The following ACO1 variants were observed in gnomAD, a reference collection of about 807,000 sequenced individuals.
ACO1 encodes the protein aconitase 1.
ACO1 carries 78 observed loss-of-function variants against 105.1 expected under a neutral mutation model. The observed-to-expected ratio is 0.74, with a 90% CI of 0.62 to 0.90. The LOEUF (loss-of-function observed/expected upper bound fraction) is 0.90. ACO1 is among the 40% of genes least tolerant of loss of function. The probability of loss-of-function intolerance (pLI) is 0.00; values close to 1 mark genes in which losing one functional copy is unlikely to be tolerated. For missense variants in ACO1, 965 were observed against 1,111.1 expected, an observed-to-expected ratio of 0.87 and a Z score of 1.87; for synonymous variants, 364 against 397.4, an observed-to-expected ratio of 0.92 and a Z score of 1.00.
At chr9:32,424,488 T>TG in intron 9 of ACO1, 61 bp from the exon 10 acceptor site, 1 of 1,103,528 alleles carries the variant, frequency 9.1e-7, no homozygotes, top group Non-Finnish European at 1.3e-6. Flanking sequence ...TGACATGCTT[T>TG]GGGTTTCCTC....
At position 32,431,716 on chromosome 9, in the gene ACO1, C is replaced by T. The variant is rs370328815; in HGVS notation, c.1727-3C>T. On this transcript the variant is annotated splice_polypyrimidine_tract_variant and splice_region_variant and intron_variant, in intron 14 of 20. Transcript: ENST00000309951. ...TTCTCATTAATAAACATTTTTTCCC[C>T]AGGAGTAAATGCAAAGGGACAGCAG... is the stretch of plus-strand genomic sequence containing the variant. The T allele has an allele frequency of 4.3e-6, 7 of 1,612,944 alleles. No individual in the cohort carries two copies. Among genetic ancestry groups the T allele is most frequent in the Admixed American group, 1.7e-5 (1 of 59,772 alleles).
intron 18 of ACO1, 111 bp from the exon 19 acceptor site, chr9:32,440,353 CG>C (rs1343933649): frequency 2.7e-6 from 3 of 1,091,412 alleles, no homozygotes; most frequent in Non-Finnish European, 4.0e-6. Flanking sequence ...GATGATTGGA[CG>C]GATTTGGCCA....
At chr9:32,390,504 T>C (rs1381909937) in intron 1 of ACO1, among the ~76,000 whole-genome samples, 3 of 152,248 alleles carry the variant, frequency 2.0e-5, no homozygotes, top group Admixed American at 6.5e-5. Flanking sequence ...AGTCTTCAAA[T>C]AAGAGAAGGA....
intron 1 of ACO1, among the ~76,000 whole-genome samples, chr9:32,394,971 A>C (rs928590638): frequency 6.6e-6 from 1 of 152,074 alleles, no homozygotes; most frequent in Non-Finnish European, 1.5e-5. Flanking sequence ...ACAGCCAGAC[A>C]CCCAATCTCT....
At position 32,418,391 on chromosome 9, in the gene ACO1, G is replaced by C. The variant is rs759044295; in HGVS notation, c.538G>C (p.Val180Leu). 5 of 1,614,190 alleles carry C rather than the reference G, an allele frequency of 3.1e-6. No individual in the cohort carries two copies. Among genetic ancestry groups the C allele is most frequent in the Non-Finnish European group, 4.2e-6 (5 of 1,180,028 alleles). ...CCCTGGCTCAGGAATCATCCACCAGGTGAATTTGGAATATTTGGCAAGAGT... is the reference window on the plus strand; with the variant it reads ...CCCTGGCTCAGGAATCATCCACCAGCTGAATTTGGAATATTTGGCAAGAGT... ...IPPGSGIIHQ[V>L]NLEYLARVVF... Residue 180 changes from valine (V) to leucine (L), a missense_variant, in exon 6 of 21, where the codon GTG (valine) becomes CTG (leucine). By Grantham distance (32) the Val-to-Leu change is conservative. Transcript: ENST00000309951.
At chr9:32,385,213 C>G (rs1311670939) in intron 1 of ACO1, among the ~76,000 whole-genome samples, 1 of 152,202 alleles carries the variant, frequency 6.6e-6, no homozygotes, top group Non-Finnish European at 1.5e-5. Flanking sequence ...TCGTGGGAGG[C>G]TTGAACACAG....
chr9:32,436,080 T>C (rs1464192554), intron 17 of ACO1, 170 bp from the exon 18 acceptor site: 2 of 850,276 alleles, frequency 2.4e-6, no homozygotes, highest in Non-Finnish European at 3.9e-6. Context: ...CTCTTCTCCG[T>C]TGAAGCTTTG....
At chr9:32,417,946 ACT>A (rs1392181853) in intron 4 of ACO1, among the ~76,000 whole-genome samples, 180 bp from the exon 5 acceptor site, 2 of 152,124 alleles carry the variant, frequency 1.3e-5, no homozygotes, top group African/African-American at 4.8e-5. Context: ...AACAATAATT[ACT>A]CTCTTTACTT....
rs187892977 is a variant in ACO1, at chr9:32,410,167, G to A, written c.404+1516G>A. ...AAATGGCATCAGGATATTAAACATT[G>A]TTATAAAGCCCCAGTCTTTTGTAAG... On this transcript the variant is annotated intron_variant, in intron 4 of 20. Coordinates refer to ENST00000309951, the MANE Select transcript of ACO1 (RefSeq NM_002197.3). Among the ~76,000 whole-genome samples the A allele has an allele frequency of 5.0e-4, 76 of 152,254 alleles. 1 individual carries two copies. The East Asian group carries it at 0.014, about 27-fold the overall frequency.
At chr9:32,441,781 C>T (rs1490282094) in intron 19 of ACO1, among the ~76,000 whole-genome samples, 3 of 152,172 alleles carry the variant, frequency 2.0e-5, no homozygotes, top group Admixed American at 6.5e-5. Context: ...TCTATAGAAC[C>T]GCTTGAGTTC....
At chr9:32,446,452 C>T (rs563032616) in intron 19 of ACO1, among the ~76,000 whole-genome samples, 1 of 152,226 alleles carries the variant, frequency 6.6e-6, no homozygotes, top group South Asian at 2.1e-4. Flanking sequence ...AAATCTTCCT[C>T]CATCCCTTTA....
intron 9 of ACO1, 64 bp downstream of exon 9, chr9:32,423,483 GT>G: frequency 8.9e-7 from 1 of 1,122,182 alleles, no homozygotes; most frequent in Non-Finnish European, 1.3e-6. Context: ...TTTAGTGGTG[GT>G]TTTTCTTGGG....
chr9:32,405,633 A>T, intron 2 of ACO1, 30 bp downstream of exon 2: 2 of 1,485,680 alleles, frequency 1.3e-6, no homozygotes, highest in Non-Finnish European at 1.9e-6. Flanking sequence ...AGCAATTGGA[A>T]TCTCATTTGC....
At chr9:32,438,391 G>T (rs945707592) in intron 18 of ACO1, among the ~76,000 whole-genome samples, 2 of 152,108 alleles carry the variant, frequency 1.3e-5, no homozygotes, top group African/African-American at 4.8e-5. Context: ...CAGATGAAGG[G>T]AATCCCCAGG....
chr9:32,400,947 G>GT (rs10713644), intron 1 of ACO1, among the ~76,000 whole-genome samples: 32 of 143,616 alleles, frequency 2.2e-4, no homozygotes, highest in African/African-American at 2.8e-4. Context: ...TGGTCTTGAA[G>GT]TTTTTTTTTT....
chr9:32,408,198 T>A (rs1051405809), intron 3 of ACO1, among the ~76,000 whole-genome samples: 3 of 152,218 alleles, frequency 2.0e-5, no homozygotes, highest in African/African-American at 7.2e-5. Context: ...TGGGAAGCAC[T>A]CACAGCAGTA....
intron 16 of ACO1, 61 bp from the exon 17 acceptor site, chr9:32,434,498 T>G: frequency 1.9e-6 from 3 of 1,603,190 alleles, no homozygotes; most frequent in Non-Finnish European, 2.6e-6. Flanking sequence ...TCGTAGAGAC[T>G]GATCTGGTAA....
In ACO1 at chr9:32,448,816, C is replaced by CTCTCACAAAGTCT. The variant is rs1383475716; in HGVS notation, c.2371-78_2371-66dup. On this transcript the variant is annotated intron_variant, in intron 19 of 20. Transcript: ENST00000309951. ...TTCCTATTCGGCCATCATGCCAGCT[C>CTCTCACAAAGTCT]TCTCACAAAGTCTTTTGTAAACCTG... 3 of 1,505,870 alleles carry CTCTCACAAAGTCT rather than the reference C, an allele frequency of 2.0e-6. No homozygotes were observed. In the East Asian group the frequency reaches 6.8e-5, roughly 34 times the overall value. The allele number at this position is 1,505,870 out of a possible 1,614,324, so 93.3% of individuals were successfully genotyped here.
At chr9:32,415,112 G>A (rs917081608) in intron 4 of ACO1, among the ~76,000 whole-genome samples, 4 of 152,172 alleles carry the variant, frequency 2.6e-5, no homozygotes, top group Admixed American at 2.6e-4. Context: ...GGGGTGGGAA[G>A]AGCATGCTGG....
Sources: gnomAD v4.1 joint callset for allele counts (sites outside exome capture counted in the v4.1 genomes callset) on GRCh38, gnomAD v4.1.1 for gene constraint, MANE v1.5 for transcripts, NCBI Gene and HGNC (gene_info 2026-07-23, HGNC 2026-07-21) for gene names.